The following GREM2 variants were observed in gnomAD, a reference collection of about 807,000 sequenced individuals.
GREM2 encodes gremlin 2, DAN family BMP antagonist, also known as gremlin-2.
GREM2 carries 11 observed loss-of-function variants against 14.2 expected under a neutral mutation model. That is an observed-to-expected ratio of 0.78 (90% confidence interval 0.49 to 1.28). The LOEUF is 1.28. Ranked by LOEUF, GREM2 falls within the 50% of genes most tolerant of loss-of-function variation. The probability of loss-of-function intolerance (pLI) is 0.00; values close to 1 mark genes in which losing one functional copy is unlikely to be tolerated. For missense variants in GREM2, 210 were observed against 218.5 expected (o/e 0.96, Z 0.24); for synonymous variants, 98 against 97.6 (o/e 1.00, Z -0.02).
intron 1 of GREM2, among the ~76,000 whole-genome samples, chr1:240,563,023 T>A (rs1679095626): frequency 6.6e-6 from 1 of 150,958 alleles, no homozygotes; most frequent in South Asian, 2.1e-4. Flanking sequence ...TGTGTGTATG[T>A]GTGTATATGA....
chr1:240,508,463 C>T (rs568830280), intron 1 of GREM2, among the ~76,000 whole-genome samples: 17 of 152,256 alleles, frequency 1.1e-4, no homozygotes, highest in African/African-American at 2.9e-4. Context: ...CGTGCTGTTT[C>T]GTGTCCATTC....
At chr1:240,598,885 C>T (rs1358459926) in intron 1 of GREM2, among the ~76,000 whole-genome samples, 1 of 152,168 alleles carries the variant, frequency 6.6e-6, no homozygotes, top group Admixed American at 6.5e-5. Context: ...ATAGTGCTCT[C>T]AAAATACCAC....
At chr1:240,567,172 TA>T (rs1331098116) in intron 1 of GREM2, among the ~76,000 whole-genome samples, 2 of 152,092 alleles carry the variant, frequency 1.3e-5, no homozygotes, top group Admixed American at 1.3e-4. Context: ...AAAATAATTT[TA>T]AAAAATACAA....
chr1:240,606,244 C>T (rs1191366413), intron 1 of GREM2, among the ~76,000 whole-genome samples: 2 of 152,146 alleles, frequency 1.3e-5, no homozygotes, highest in African/African-American at 4.8e-5. Context: ...CAAGAAATAG[C>T]CTCTGCCCTC....
intron 1 of GREM2, among the ~76,000 whole-genome samples, chr1:240,567,704 G>T (rs1679195449): frequency 6.6e-6 from 1 of 152,162 alleles, no homozygotes; most frequent in South Asian, 2.1e-4. Flanking sequence ...GTAAAAATGT[G>T]CACCTGTACA....
chr1:240,537,980 T>G (rs888840902), intron 1 of GREM2, among the ~76,000 whole-genome samples: 61 of 152,258 alleles, frequency 4.0e-4, no homozygotes, highest in Admixed American at 3.5e-3. Context: ...CAGAATGCCA[T>G]GCCCATTTAA....
chr1:240,563,195 G>A (rs899019319), intron 1 of GREM2, among the ~76,000 whole-genome samples: 2 of 148,430 alleles, frequency 1.3e-5, no homozygotes, highest in African/African-American at 5.0e-5. Context: ...ACGTGTGTGA[G>A]TGTGTGTAAG....
chr1:240,502,585 T>C (rs10926285), intron 1 of GREM2, among the ~76,000 whole-genome samples: 84,818 of 151,860 alleles, frequency 0.56, 24,704 homozygotes, highest in East Asian at 0.8. Flanking sequence ...TATCAAACAT[T>C]CCCCAAATGT....
At chr1:240,611,232 C>T (rs982771882) in intron 1 of GREM2, among the ~76,000 whole-genome samples, 1 of 151,992 alleles carries the variant, frequency 6.6e-6, no homozygotes, top group Non-Finnish European at 1.5e-5. Flanking sequence ...ACGTGCCTGG[C>T]GTGCAGAATA....
intron 1 of GREM2, among the ~76,000 whole-genome samples, chr1:240,526,636 A>C (rs972420438): frequency 1.3e-5 from 2 of 151,970 alleles, no homozygotes; most frequent in Non-Finnish European, 2.9e-5. Context: ...GCACTCTCTG[A>C]CCCCCATCTG....
At chr1:240,526,840 A>G (rs1030749587) in intron 1 of GREM2, among the ~76,000 whole-genome samples, 2 of 152,232 alleles carry the variant, frequency 1.3e-5, no homozygotes, top group African/African-American at 4.8e-5. Context: ...GCCAGGTTAA[A>G]AATTGCATTT....
At chr1:240,517,657 T>C (rs16840284) in intron 1 of GREM2, among the ~76,000 whole-genome samples, 15,959 of 152,236 alleles carry the variant, frequency 0.1, 958 homozygotes, top group East Asian at 0.26. Flanking sequence ...CTTAACAGTT[T>C]ATGTTTCAAG....
chr1:240,556,813 C>T (rs114227931), intron 1 of GREM2, among the ~76,000 whole-genome samples: 180 of 152,078 alleles, frequency 1.2e-3, no homozygotes, highest in African/African-American at 3.5e-3. Context: ...AAATGCAAAA[C>T]AGGAGAAAAA....
chr1:240,590,772 C>CT (rs35975319), intron 1 of GREM2: 15,428 of 143,610 alleles, frequency 0.11, 2,212 homozygotes, highest in African/African-American at 0.33. Context: ...GTCTCATGAC[C>CT]TTTTTTTTTT....
At chr1:240,521,453 C>G (rs532639088) in intron 1 of GREM2, among the ~76,000 whole-genome samples, 1 of 151,580 alleles carries the variant, frequency 6.6e-6, no homozygotes, top group Non-Finnish European at 1.5e-5. Context: ...CGACTGTAGT[C>G]CCAGCTACTC....
At chr1:240,519,240 T>C (rs1454612527) in intron 1 of GREM2, among the ~76,000 whole-genome samples, 1 of 152,200 alleles carries the variant, frequency 6.6e-6, no homozygotes, top group Non-Finnish European at 1.5e-5. Flanking sequence ...AAATTATAAT[T>C]GGAAGTTTTG....
At chr1:240,532,636 TATATATAGATAGATAGATAG>T (rs1482109637) in intron 1 of GREM2, among the ~76,000 whole-genome samples, 4 of 80,950 alleles carry the variant, frequency 4.9e-5, no homozygotes, top group African/African-American at 1.2e-4. Flanking sequence ...ATATAAGAGA[TATATATAGATAGATAGATAG>T]ATAGATAGAT....
At chr1:240,595,642 G>A (rs923317791) in intron 1 of GREM2, among the ~76,000 whole-genome samples, 14 of 152,176 alleles carry the variant, frequency 9.2e-5, no homozygotes, top group African/African-American at 2.4e-5. Context: ...GAAGCCATCT[G>A]GAGGCGGCAT....
At chr1:240,603,308 G>T (rs752242079) in intron 1 of GREM2, among the ~76,000 whole-genome samples, 7 of 152,130 alleles carry the variant, frequency 4.6e-5, no homozygotes, top group Non-Finnish European at 8.8e-5. Context: ...TACACTCAGG[G>T]ACTCTTCCCT....
Sources: allele counts gnomAD v4.1 joint callset (sites outside exome capture counted in the v4.1 genomes callset), GRCh38; gene constraint gnomAD v4.1.1; transcripts MANE v1.5; gene names NCBI Gene and HGNC (gene_info 2026-07-23, HGNC 2026-07-21).